The following PDE10A variants were observed in gnomAD, a reference collection of about 807,000 sequenced individuals.
PDE10A encodes the protein phosphodiesterase 10A.
PDE10A carries 39 observed loss-of-function variants against 97.7 expected under a neutral mutation model. That is an observed-to-expected ratio of 0.40 (90% CI 0.31 to 0.52). The LOEUF (loss-of-function observed/expected upper bound fraction) is 0.52, where lower values mean the gene tolerates loss of function less well. Among genes scored for constraint, PDE10A ranks in the 20% least tolerant of loss-of-function variants. The pLI is 0.56. For synonymous variants in PDE10A, 371 were observed against 376.8 expected (o/e 0.98, Z 0.18); for missense variants, 731 against 1,047.8 (o/e 0.70, Z 4.17).
At chr6:165,800,796 C>G (rs563827563) in intron 1 of PDE10A, among the ~76,000 whole-genome samples, 5 of 152,212 alleles carry the variant, frequency 3.3e-5, no homozygotes, top group African/African-American at 1.2e-4. Flanking sequence ...TGATTCTCCA[C>G]GTCTGAAGAC....
chr6:165,467,968 C>A (rs1045524682), intron 3 of PDE10A, among the ~76,000 whole-genome samples: 2 of 152,190 alleles, frequency 1.3e-5, no homozygotes, highest in Non-Finnish European at 2.9e-5. Flanking sequence ...AATGCTGATA[C>A]ATCAGAAGCC....
At chr6:165,455,892 A>G (rs1777924796) in intron 3 of PDE10A, among the ~76,000 whole-genome samples, 1 of 152,236 alleles carries the variant, frequency 6.6e-6, no homozygotes, top group Non-Finnish European at 1.5e-5. Flanking sequence ...ATTTTTGTCC[A>G]AGTCTTGTTC....
chr6:165,600,042 T>C (rs566318254), intron 1 of PDE10A, among the ~76,000 whole-genome samples: 1 of 152,134 alleles, frequency 6.6e-6, no homozygotes, highest in Non-Finnish European at 1.5e-5. Flanking sequence ...GCCACTGACA[T>C]CACAGTCCGA....
chr6:165,341,321 C>T (rs939245528), intron 19 of PDE10A, among the ~76,000 whole-genome samples: 6 of 152,152 alleles, frequency 3.9e-5, no homozygotes, highest in African/African-American at 1.4e-4. Context: ...ACATATTGGT[C>T]ACATTTTGGC....
At chr6:165,950,031 T>C (rs1175130670) in intron 1 of PDE10A, 1 of 152,218 alleles carries the variant, frequency 6.6e-6, no homozygotes, top group Admixed American at 6.5e-5. Flanking sequence ...ATAAGTATTA[T>C]TTTGCATGTG....
rs1784800743 is a variant in PDE10A at position 165,379,372 on chromosome 6, GA to G, written c.2611-7del. 1.3e-6 allele frequency: 2 copies of G among 1,598,142 alleles called. No individual in the cohort carries two copies. The highest frequency in any genetic ancestry group is 1.4e-5 in the African/African-American group (1 of 73,906). ...AAGATATTGTGCCCTTCCAACTAGG[GA>G]AAAAATACAAATAAAAACCACCAAT... On this transcript the variant is annotated splice_region_variant and splice_polypyrimidine_tract_variant and intron_variant, in intron 17 of 21. Transcript: ENST00000539869.
At chr6:165,727,529 C>G (rs1057375929) in intron 1 of PDE10A, among the ~76,000 whole-genome samples, 1 of 152,150 alleles carries the variant, frequency 6.6e-6, no homozygotes, top group African/African-American at 2.4e-5. Flanking sequence ...AAAATCTACC[C>G]CCAAATGACA....
rs113167831 is a variant in PDE10A at position 165,671,694 on chromosome 6, TCACACACA to T, written c.-614-128134_-614-128127del. 0.029 allele frequency among the ~76,000 whole-genome samples: 4,379 copies of T among 151,272 alleles called. 222 individuals carry two copies. Among genetic ancestry groups the T allele is most frequent in the African/African-American group, 0.1 (4,153 of 41,306 alleles). On this transcript the variant is annotated intron_variant, in intron 1 of 19. Transcript: ENST00000366882. This position sits in a 1 kb window ranked among gnomAD's most constrained non-coding sequence, Gnocchi z 4.6. ...AAAACGGATGAAAAGCAGCTAGATA[TCACACACA>T]CACACACACATATATATAGTGTGCT...
intron 1 of PDE10A, among the ~76,000 whole-genome samples, chr6:165,822,169 C>G (rs532792350): frequency 6.6e-6 from 1 of 152,152 alleles, no homozygotes; most frequent in Admixed American, 6.5e-5. Flanking sequence ...TATCCTTGTG[C>G]GAACATAACA....
intron 6 of PDE10A, among the ~76,000 whole-genome samples, chr6:165,434,572 G>A (rs1432169264): frequency 2.0e-5 from 3 of 152,146 alleles, no homozygotes; most frequent in African/African-American, 4.8e-5. Flanking sequence ...GCCTGTCTAC[G>A]TGATTTGCTC....
chr6:165,821,937 C>T (rs1215857408), intron 1 of PDE10A, among the ~76,000 whole-genome samples: 1 of 152,002 alleles, frequency 6.6e-6, no homozygotes, highest in African/African-American at 2.4e-5. Context: ...GAAGTGGTTA[C>T]ATTCCTGTTC....
At chr6:165,728,815 G>A (rs892187558) in intron 1 of PDE10A, among the ~76,000 whole-genome samples, 2 of 152,166 alleles carry the variant, frequency 1.3e-5, no homozygotes, top group Admixed American at 1.3e-4. Flanking sequence ...AACAAGACTT[G>A]TCTTTGGGGC....
Position 165,848,060 on chromosome 6 carries a change from A to G in PDE10A, c.-615+139469T>C, listed in dbSNP as rs564042899. 5.3e-5 allele frequency among the ~76,000 whole-genome samples: 8 copies of G among 151,048 alleles called. No individual in the cohort carries two copies. The East Asian group carries it at 1.2e-3, about 22-fold the overall frequency. ...TATTGCCACATTGAGTTTTGCCCAG[A>G]GCCACTGATTAAATTTCCATATGCT... On this transcript the variant is annotated intron_variant, in intron 1 of 19. Transcript: ENST00000366882.
intron 1 of PDE10A, among the ~76,000 whole-genome samples, chr6:165,544,095 C>T (rs1268342689): frequency 6.6e-6 from 1 of 152,138 alleles, no homozygotes; most frequent in African/African-American, 2.4e-5. Context: ...GCAAGTGAAA[C>T]TCTAGCAAGA....
At chr6:165,768,046 A>AT (rs1303349585) in intron 1 of PDE10A, among the ~76,000 whole-genome samples, 1 of 151,926 alleles carries the variant, frequency 6.6e-6, no homozygotes, top group Non-Finnish European at 1.5e-5. Context: ...GATGTTGAGC[A>AT]TTTTTTCATG....
At chr6:165,888,440 C>T (rs1781689497) in intron 1 of PDE10A, among the ~76,000 whole-genome samples, 1 of 152,088 alleles carries the variant, frequency 6.6e-6, no homozygotes, top group Admixed American at 6.6e-5. Flanking sequence ...CGTGCACCAA[C>T]ACGCCTGGCT....
intron 1 of PDE10A, among the ~76,000 whole-genome samples, chr6:165,929,055 C>A (rs149641807): frequency 6.6e-6 from 1 of 152,106 alleles, no homozygotes; most frequent in South Asian, 2.1e-4. Flanking sequence ...TCTGACTCCT[C>A]GTCTCTAAAA....
At chr6:165,546,565 A>G (rs1783752139) in intron 1 of PDE10A, among the ~76,000 whole-genome samples, 1 of 152,108 alleles carries the variant, frequency 6.6e-6, no homozygotes, top group Non-Finnish European at 1.5e-5. Context: ...TAACCTATAG[A>G]ACTTTGAAAA....
chr6:165,414,821 A>G (rs1167492390), intron 12 of PDE10A, among the ~76,000 whole-genome samples: 2 of 152,162 alleles, frequency 1.3e-5, no homozygotes, highest in Non-Finnish European at 2.9e-5. Context: ...TCGTTTCTCC[A>G]CATCCTGGCC....
Sources: allele counts gnomAD v4.1 joint callset (sites outside exome capture counted in the v4.1 genomes callset), GRCh38; gene constraint gnomAD v4.1.1; non-coding constraint Gnocchi (gnomAD v3.1); transcripts MANE v1.5; gene names NCBI Gene and HGNC (gene_info 2026-07-23, HGNC 2026-07-21).